CDH8: variants seen among roughly 807,000 people sequenced by gnomAD.
CDH8 encodes cadherin-8.
A neutral mutation model predicts 68.1 loss-of-function variants in CDH8; 17 were observed. That is an observed-to-expected ratio of 0.25 (90% CI 0.17 to 0.37). The LOEUF (loss-of-function observed/expected upper bound fraction) is 0.37, where lower values mean the gene tolerates loss of function less well. CDH8 is among the 10% of genes least tolerant of loss of function. The pLI is 1.00. For missense variants in CDH8, 763 were observed against 999.3 expected, an observed-to-expected ratio of 0.76 and a Z score of 3.19; for synonymous variants, 372 against 365.1, an observed-to-expected ratio of 1.02 and a Z score of -0.21.
intron 10 of CDH8, among the ~76,000 whole-genome samples, chr16:61,711,260 T>C (rs2061625644): frequency 4.0e-5 from 6 of 151,718 alleles, no homozygotes; most frequent in Admixed American, 3.9e-4. Flanking sequence ...ACAAGAAAAA[T>C]TACAATAATT....
At chr16:61,885,436 T>C (rs541812566) in intron 3 of CDH8, among the ~76,000 whole-genome samples, 1 of 152,340 alleles carries the variant, frequency 6.6e-6, no homozygotes, top group Non-Finnish European at 1.5e-5. Flanking sequence ...TCTAGGTTAC[T>C]AATGTTCTTA....
intron 2 of CDH8, among the ~76,000 whole-genome samples, chr16:61,913,513 T>A (rs1964191687): frequency 2.0e-5 from 3 of 152,176 alleles, no homozygotes; most frequent in Admixed American, 2.0e-4. Flanking sequence ...GAAAAACACC[T>A]ATTATGCAGA....
chr16:61,966,151 A>C (rs994020016), intron 2 of CDH8, among the ~76,000 whole-genome samples: 3 of 152,210 alleles, frequency 2.0e-5, no homozygotes, highest in African/African-American at 7.2e-5. Flanking sequence ...ACAATGTCTT[A>C]GTCTACATAT....
At chr16:62,001,023 T>C (rs1965884596) in intron 2 of CDH8, among the ~76,000 whole-genome samples, 1 of 152,192 alleles carries the variant, frequency 6.6e-6, no homozygotes, top group Non-Finnish European at 1.5e-5. Flanking sequence ...TGAGTGACTT[T>C]CCAAGGTCAA....
At chr16:61,700,532 G>T (rs1964406276) in intron 10 of CDH8, among the ~76,000 whole-genome samples, 1 of 151,972 alleles carries the variant, frequency 6.6e-6, no homozygotes, top group African/African-American at 2.4e-5. Flanking sequence ...CCCCACCTCG[G>T]CCTACCAAAG....
chr16:61,766,912 T>C (rs751323025), intron 8 of CDH8, among the ~76,000 whole-genome samples: 7 of 151,966 alleles, frequency 4.6e-5, no homozygotes, highest in Non-Finnish European at 8.8e-5. Flanking sequence ...CTTTTTAAAA[T>C]GCAGGACTAA....
At chr16:61,989,370 T>G (rs1024564427) in intron 2 of CDH8, among the ~76,000 whole-genome samples, 6 of 152,150 alleles carry the variant, frequency 3.9e-5, no homozygotes, top group Admixed American at 6.5e-5. Flanking sequence ...AGTGGCAAAG[T>G]GCTGATGTTG....
chr16:61,671,083 T>C (rs1045896738), intron 10 of CDH8, among the ~76,000 whole-genome samples: 5 of 152,096 alleles, frequency 3.3e-5, no homozygotes, highest in Non-Finnish European at 7.4e-5. Context: ...GGTCTGAGCA[T>C]ATATTCATAT....
At chr16:61,890,490 A>G (rs1963755962) in intron 3 of CDH8, among the ~76,000 whole-genome samples, 1 of 152,184 alleles carries the variant, frequency 6.6e-6, no homozygotes, top group African/African-American at 2.4e-5. Context: ...AATTCAAATT[A>G]TCAGATGCCT....
At chr16:62,024,878 C>G (rs2150616662) in intron 1 of CDH8, among the ~76,000 whole-genome samples, 1 of 152,288 alleles carries the variant, frequency 6.6e-6, no homozygotes, top group East Asian at 1.9e-4. Flanking sequence ...GACCGTTCCT[C>G]TCACTGTAGA....
chr16:61,946,843 A>C (rs957820940), intron 2 of CDH8, among the ~76,000 whole-genome samples: 27 of 152,204 alleles, frequency 1.8e-4, no homozygotes, highest in African/African-American at 6.3e-4. Flanking sequence ...ACTCCTAATA[A>C]ATAATTCCTA....
chr16:61,826,502 C>G (rs1371933480), intron 4 of CDH8, among the ~76,000 whole-genome samples: 1 of 151,774 alleles, frequency 6.6e-6, no homozygotes, highest in African/African-American at 2.4e-5. Context: ...ATGTGTGTTA[C>G]ATTTCTGGTC....
chr16:61,816,900 G>T (rs1194570044), intron 7 of CDH8, among the ~76,000 whole-genome samples: 1 of 152,104 alleles, frequency 6.6e-6, no homozygotes, highest in African/African-American at 2.4e-5. Flanking sequence ...GGCAGAGAAA[G>T]ATTTTTATCT....
At chr16:61,754,679 A>G (rs1960264679) in intron 8 of CDH8, among the ~76,000 whole-genome samples, 1 of 152,168 alleles carries the variant, frequency 6.6e-6, no homozygotes, top group African/African-American at 2.4e-5. Flanking sequence ...ATTTTGAAAT[A>G]TACAATAAAT....
chr16:61,980,695 C>T (rs1228942005), intron 2 of CDH8, among the ~76,000 whole-genome samples: 1 of 152,124 alleles, frequency 6.6e-6, no homozygotes, highest in Non-Finnish European at 1.5e-5. Context: ...TGCAACAGAT[C>T]TATGTGACCC....
intron 8 of CDH8, among the ~76,000 whole-genome samples, chr16:61,765,007 A>C (rs553200061): frequency 1.3e-5 from 2 of 152,180 alleles, no homozygotes; most frequent in East Asian, 3.9e-4. Flanking sequence ...GAGATGTTTC[A>C]AGAATTAATG....
chr16:61,930,270 AACACACACACACACAC>A (rs369686237), intron 2 of CDH8, among the ~76,000 whole-genome samples: 21 of 144,260 alleles, frequency 1.5e-4, no homozygotes, highest in Non-Finnish European at 7.7e-5. Context: ...AAAGTTAGAA[AACACACACACACACAC>A]ACACACACAC....
chr16:61,818,921 A>C (rs542631720), intron 6 of CDH8, among the ~76,000 whole-genome samples: 9 of 145,026 alleles, frequency 6.2e-5, no homozygotes, highest in African/African-American at 2.3e-4. Flanking sequence ...TTCTGATCTA[A>C]TGGGACTTGG....
chr16:61,733,478 A>T (rs1275964638), intron 8 of CDH8, among the ~76,000 whole-genome samples: 1 of 151,960 alleles, frequency 6.6e-6, no homozygotes, highest in Non-Finnish European at 1.5e-5. Flanking sequence ...AGAAAATAAA[A>T]AAATATATTG....
Sources: gnomAD v4.1 joint callset for allele counts (sites outside exome capture counted in the v4.1 genomes callset) on GRCh38, gnomAD v4.1.1 for gene constraint, MANE v1.5 for transcripts, NCBI Gene and HGNC (gene_info 2026-07-23, HGNC 2026-07-21) for gene names.